Variants in OR7C1 observed in about 807,000 individuals in gnomAD.
OR7C1 encodes the protein olfactory receptor 7C1.
For missense variants in OR7C1, 324 were observed against 383.3 expected (o/e 0.85, Z 1.29); for synonymous variants, 152 against 160.7 (o/e 0.95, Z 0.41).
At chr19:14,799,328 G>A (rs1422389961) in exon 5 of OR7C1, 2 of 1,614,172 alleles carry the variant, frequency 1.2e-6, no homozygotes, top group Non-Finnish European at 1.7e-6. Context: ...CACCAGACTT[G>A]TCCTAGAAGA....
At chr19:14,820,926 G>A (rs1198138800) in intron 1 of OR7C1, among the ~76,000 whole-genome samples, 2 of 152,158 alleles carry the variant, frequency 1.3e-5, no homozygotes, top group African/African-American at 4.8e-5. Flanking sequence ...AAAAGTGAGA[G>A]AAAGGCCTGC....
intron 1 of OR7C1, among the ~76,000 whole-genome samples, chr19:14,829,307 G>C (rs1274633993): frequency 6.6e-6 from 1 of 152,184 alleles, no homozygotes; most frequent in Non-Finnish European, 1.5e-5. Flanking sequence ...AGGTTCAAGC[G>C]ATTCTCCTGC....
chr19:14,816,065 T>C (rs1035825063), intron 1 of OR7C1, among the ~76,000 whole-genome samples: 1 of 152,060 alleles, frequency 6.6e-6, no homozygotes, highest in African/African-American at 2.4e-5. Flanking sequence ...GCTTAAGTAA[T>C]CCACCCCACT....
intron 1 of OR7C1, among the ~76,000 whole-genome samples, chr19:14,823,855 C>A (rs1052972053): frequency 3.3e-5 from 5 of 150,530 alleles, no homozygotes; most frequent in African/African-American, 1.2e-4. Flanking sequence ...ATATGGATAT[C>A]CAGTTTTCCC....
intron 1 of OR7C1, among the ~76,000 whole-genome samples, chr19:14,822,931 G>A (rs79356776): frequency 0.053 from 8,028 of 151,584 alleles, 469 homozygotes; most frequent in African/African-American, 0.15. Context: ...TCATATGTGT[G>A]GTTTGCAAAT....
At chr19:14,799,104 A>T in exon 5 of OR7C1, 14 of 1,508,042 alleles carry the variant, frequency 9.3e-6, no homozygotes, top group Non-Finnish European at 1.2e-5. Flanking sequence ...GAACTAAAAG[A>T]GAATACATTG....
chr19:14,823,027 T>A (rs1236720761), intron 1 of OR7C1, among the ~76,000 whole-genome samples: 1 of 152,224 alleles, frequency 6.6e-6, no homozygotes, highest in Non-Finnish European at 1.5e-5. Flanking sequence ...ATCCCACTTG[T>A]CTATTTTCAC....
intron 1 of OR7C1, among the ~76,000 whole-genome samples, chr19:14,820,594 T>A (rs926357165): frequency 2.0e-5 from 3 of 152,104 alleles, no homozygotes; most frequent in Non-Finnish European, 4.4e-5. Flanking sequence ...AAAGTGTTCC[T>A]ATGTAGACGT....
At chr19:14,834,508 C>T (rs982740086) in intron 1 of OR7C1, among the ~76,000 whole-genome samples, 2 of 152,150 alleles carry the variant, frequency 1.3e-5, no homozygotes, top group Non-Finnish European at 2.9e-5. Flanking sequence ...AAGTACAGCT[C>T]ATTAGTACAT....
chr19:14,811,646 C>A (rs2044691487), intron 1 of OR7C1, among the ~76,000 whole-genome samples: 1 of 151,568 alleles, frequency 6.6e-6, no homozygotes, highest in Non-Finnish European at 1.5e-5. Flanking sequence ...TACAAAGAGG[C>A]TGTGGGTAGG....
At chr19:14,813,409 G>A (rs1207956534) in intron 1 of OR7C1, among the ~76,000 whole-genome samples, 1 of 151,774 alleles carries the variant, frequency 6.6e-6, no homozygotes, top group Non-Finnish European at 1.5e-5. Flanking sequence ...CAAAAAATTA[G>A]CCAGGCATGG....
At chr19:14,823,260 C>T (rs2044749595) in intron 1 of OR7C1, among the ~76,000 whole-genome samples, 1 of 151,596 alleles carries the variant, frequency 6.6e-6, no homozygotes, top group Non-Finnish European at 1.5e-5. Context: ...CGAGACCAGC[C>T]TGGCAAACAT....
intron 1 of OR7C1, among the ~76,000 whole-genome samples, chr19:14,815,618 G>A (rs2044712298): frequency 6.6e-6 from 1 of 152,120 alleles, no homozygotes; most frequent in South Asian, 2.1e-4. Context: ...TATAAATTGT[G>A]GGGGGTTTAA....
intron 1 of OR7C1, among the ~76,000 whole-genome samples, chr19:14,829,586 T>C (rs116261638): frequency 0.018 from 2,705 of 152,252 alleles, 84 homozygotes; most frequent in African/African-American, 0.061. Flanking sequence ...TGATGGGACA[T>C]GGTGTCAGAG....
chr19:14,815,168 G>C (rs1359048127), intron 1 of OR7C1, among the ~76,000 whole-genome samples: 1 of 152,212 alleles, frequency 6.6e-6, no homozygotes, highest in Non-Finnish European at 1.5e-5. Context: ...GATTGGGCAA[G>C]AGACTGATTG....
At chr19:14,820,347 A>G (rs951768712) in intron 1 of OR7C1, among the ~76,000 whole-genome samples, 4 of 146,722 alleles carry the variant, frequency 2.7e-5, no homozygotes, top group Admixed American at 6.8e-5. Context: ...GTGTTTCTCA[A>G]TGAAAATACA....
In OR7C1 at chr19:14,827,941, T is replaced by A. The variant is rs777129940; in HGVS notation, c.-623+7133A>T. ...CCAGCAAAGAGTATGAAAAAATACA[T>A]CTGCATGAGGCAGGCTATGTAGGTG... On this transcript the variant is annotated intron_variant, in intron 1 of 4. Transcript: ENST00000641666. 28 of 1,614,152 alleles carry A rather than the reference T, an allele frequency of 1.7e-5. No homozygotes were observed. The East Asian group carries it at 6.2e-4, about 36-fold the overall frequency.
exon 5 of OR7C1, chr19:14,799,166 C>A: frequency 1.3e-6 from 2 of 1,596,382 alleles, no homozygotes; most frequent in Non-Finnish European, 1.7e-6. Context: ...TGGTCCAAGC[C>A]TTGCTACTTA....
chr19:14,821,558 T>A (rs977396737), intron 1 of OR7C1: 1 of 152,246 alleles, frequency 6.6e-6, no homozygotes, highest in Admixed American at 6.5e-5. Context: ...ACTCTTTGTG[T>A]CTGAAAGTAA....
Sources: allele counts gnomAD v4.1 joint callset (sites outside exome capture counted in the v4.1 genomes callset), GRCh38; gene constraint gnomAD v4.1.1; transcripts MANE v1.5; gene names NCBI Gene and HGNC (gene_info 2026-07-23, HGNC 2026-07-21).